Variants in TEAD1 observed in about 807,000 individuals in gnomAD.
TEAD1 encodes the protein transcriptional enhancer factor TEF-1.
In TEAD1, 9 loss-of-function variants were observed where a neutral mutation model predicts 54.9. The ratio of observed to expected loss-of-function variants is 0.16; its 90% CI spans 0.10 to 0.29. The LOEUF (loss-of-function observed/expected upper bound fraction) is 0.29, where lower values mean the gene tolerates loss of function less well. Ranked by LOEUF, TEAD1 falls within the 10% of genes least tolerant of loss-of-function variation. TEAD1 has a pLI of 1.00. For synonymous variants in TEAD1, 200 were observed against 187.8 expected, an observed-to-expected ratio of 1.07 and a Z score of -0.53; for missense variants, 387 against 535.9, an observed-to-expected ratio of 0.72 and a Z score of 2.74.
chr11:12,839,349 T>C (rs1047809021), intron 3 of TEAD1, among the ~76,000 whole-genome samples: 1 of 152,172 alleles, frequency 6.6e-6, no homozygotes, highest in African/African-American at 2.4e-5. Flanking sequence ...AAGTGGAGGC[T>C]GCAGTGAGTC....
chr11:12,751,130 G>A (rs926370703), intron 2 of TEAD1, among the ~76,000 whole-genome samples: 1 of 151,956 alleles, frequency 6.6e-6, no homozygotes, highest in Non-Finnish European at 1.5e-5. Flanking sequence ...GGGCAACATA[G>A]TGAGGCCAAA....
At chr11:12,917,558 G>A (rs1460233906) in intron 10 of TEAD1, among the ~76,000 whole-genome samples, 1 of 152,200 alleles carries the variant, frequency 6.6e-6, no homozygotes, top group East Asian at 1.9e-4. Context: ...GGGTCTTGCT[G>A]TGTTGCCCAG....
At chr11:12,828,792 A>AT (rs34175882) in intron 3 of TEAD1, among the ~76,000 whole-genome samples, 49,952 of 120,204 alleles carry the variant, frequency 0.42, 9,395 homozygotes, top group South Asian at 0.62. Flanking sequence ...ATTGATTTGC[A>AT]TTTTTTTTTT....
At chr11:12,848,486 A>G (rs75908935) in intron 3 of TEAD1, among the ~76,000 whole-genome samples, 1,948 of 152,320 alleles carry the variant, frequency 0.013, 42 homozygotes, top group African/African-American at 0.045. Flanking sequence ...GTTAAGGATT[A>G]AGGAACTTGG....
At chr11:12,723,517 T>C (rs1179871863) in intron 2 of TEAD1, among the ~76,000 whole-genome samples, 1 of 152,204 alleles carries the variant, frequency 6.6e-6, no homozygotes, top group East Asian at 1.9e-4. Context: ...TTCGTGATTT[T>C]AACTTCCTTA....
chr11:12,728,904 A>G (rs1028805874), intron 2 of TEAD1, among the ~76,000 whole-genome samples: 1 of 152,210 alleles, frequency 6.6e-6, no homozygotes, highest in African/African-American at 2.4e-5. Context: ...TGCCCAAACC[A>G]TTGGACCATG....
intron 2 of TEAD1, among the ~76,000 whole-genome samples, chr11:12,719,454 G>T (rs185503919): frequency 1.3e-5 from 2 of 152,100 alleles, no homozygotes; most frequent in African/African-American, 2.4e-5. Context: ...AGGCAGCTCA[G>T]CCACAGTCCC....
chr11:12,844,985 G>T (rs1402780086), intron 3 of TEAD1, among the ~76,000 whole-genome samples: 29 of 11,182 alleles, frequency 2.6e-3, no homozygotes, highest in African/African-American at 5.8e-3. Context: ...TTTTTTTTTG[G>T]AGACAGGGTC....
chr11:12,880,971 C>T lies in TEAD1; in HGVS notation c.466-34C>T, dbSNP rs769350547. The T allele has an allele frequency of 1.1e-5, 18 of 1,613,334 alleles. No individual in the cohort carries two copies. The East Asian group carries it at 2.0e-4, about 18-fold the overall frequency. ...CCTAAACTGTGCTTTGAAGTAAACT[C>T]GTAATTCTGAGGCCTTTGCATTTTG... On this transcript the variant is annotated intron_variant, in intron 6 of 12. Transcript: ENST00000527636.
At chr11:12,805,646 ATCTT>A (rs1345480825) in intron 3 of TEAD1, among the ~76,000 whole-genome samples, 1 of 152,216 alleles carries the variant, frequency 6.6e-6, no homozygotes, top group African/African-American at 2.4e-5. Context: ...CATAATAGTG[ATCTT>A]TCTGCTTTTG....
At chr11:12,780,060 A>G (rs2133946757) in intron 3 of TEAD1, among the ~76,000 whole-genome samples, 1 of 152,210 alleles carries the variant, frequency 6.6e-6, no homozygotes, top group African/African-American at 2.4e-5. Context: ...AGTAAGAGCA[A>G]TTGTACAAGG....
intron 2 of TEAD1, among the ~76,000 whole-genome samples, chr11:12,717,334 A>G (rs1944087006): frequency 6.6e-6 from 1 of 152,170 alleles, no homozygotes. Flanking sequence ...GCTACACCTG[A>G]AACATGAGTC....
rs1949178889 is a variant in TEAD1 at position 12,943,469 on chromosome 11, AG to A, written c.*6248del. The A allele has an allele frequency of 6.6e-6, 1 of 152,660 alleles. No individual in the cohort carries two copies. The highest frequency in any genetic ancestry group is 1.5e-5 in the Non-Finnish European group (1 of 68,048). The allele number at this position is 152,660 out of a possible 1,614,324, so 9.5% of individuals were successfully genotyped here. On this transcript the variant is annotated 3_prime_UTR_variant, in exon 13 of 13. Coordinates refer to ENST00000527636, the MANE Select transcript of TEAD1 (RefSeq NM_021961.6). ...CACTGAAGTCATGCACCATTAAATA[AG>A]ATGAAATATTTGTATTTATTGTCCT...
intron 10 of TEAD1, among the ~76,000 whole-genome samples, chr11:12,924,123 C>T (rs1948863398): frequency 6.6e-6 from 1 of 152,178 alleles, no homozygotes; most frequent in South Asian, 2.1e-4. Context: ...AGTCTGAGGT[C>T]CTTAATCCAT....
chr11:12,938,487 GTCAC>G lies in TEAD1; in HGVS notation c.*1269_*1272del, dbSNP rs1008619063. On this transcript the variant is annotated 3_prime_UTR_variant, in exon 13 of 13. Coordinates refer to ENST00000527636, the MANE Select transcript of TEAD1 (RefSeq NM_021961.6). ...CACATTTAGTGAACACTTGTTTAGTGTCACTCAGTTTGCTAGGTGCTGATATGTA... is the reference window on the plus strand; with the variant it reads ...CACATTTAGTGAACACTTGTTTAGTGTCAGTTTGCTAGGTGCTGATATGTA... 3.3e-5 allele frequency: 5 copies of G among 152,370 alleles called. No homozygotes were observed. The East Asian group carries it at 7.7e-4, about 23-fold the overall frequency. 9.4% of individuals were successfully genotyped at this position (152,370 alleles called of 1,614,324 possible).
Position 12,784,447 on chromosome 11 carries a change from G to A in TEAD1, c.202+20013G>A, listed in dbSNP as rs184389883. 7.7e-4 allele frequency among the ~76,000 whole-genome samples: 117 copies of A among 152,326 alleles called. 1 individual carries two copies. The highest frequency in any genetic ancestry group is 2.1e-3 in the Admixed American group (32 of 15,308). On this transcript the variant is annotated intron_variant, in intron 3 of 12. Transcript: ENST00000527636. ...GAGTTGAGACCCTGGAAGTGGATAA[G>A]CTTGTCTAGGAGACAGAGGGAAAGG...
intron 5 of TEAD1, among the ~76,000 whole-genome samples, chr11:12,872,543 G>T (rs1335651369): frequency 1.3e-5 from 2 of 152,234 alleles, no homozygotes; most frequent in Non-Finnish European, 2.9e-5. Context: ...TCAGGCTTCA[G>T]TTGGAACCAC....
intron 3 of TEAD1, among the ~76,000 whole-genome samples, chr11:12,858,365 T>C (rs1797297051): frequency 6.6e-6 from 1 of 152,216 alleles, no homozygotes; most frequent in Non-Finnish European, 1.5e-5. Flanking sequence ...GATTTATGTA[T>C]ATTTGATATT....
intron 9 of TEAD1, among the ~76,000 whole-genome samples, chr11:12,893,621 A>C (rs1948244524): frequency 1.3e-5 from 2 of 151,612 alleles, no homozygotes; most frequent in Non-Finnish European, 1.5e-5. Context: ...TTTCAGCTGC[A>C]CTTCTGTGGG....
Sources: gnomAD v4.1 joint callset for allele counts (sites outside exome capture counted in the v4.1 genomes callset) on GRCh38, gnomAD v4.1.1 for gene constraint, MANE v1.5 for transcripts, NCBI Gene and HGNC (gene_info 2026-07-23, HGNC 2026-07-21) for gene names.